The following KIF26B variants were observed in gnomAD, a reference collection of about 807,000 sequenced individuals.
KIF26B encodes the protein kinesin family member 26B.
A neutral mutation model predicts 151.2 loss-of-function variants in KIF26B; 63 were observed. The ratio of observed to expected loss-of-function variants is 0.42; its 90% CI spans 0.34 to 0.51. The LOEUF (loss-of-function observed/expected upper bound fraction) is 0.51, where lower values mean the gene tolerates loss of function less well. Among genes scored for constraint, KIF26B ranks in the 20% least tolerant of loss-of-function variants. The probability of loss-of-function intolerance (pLI) is 0.07; values close to 1 mark genes in which losing one functional copy is unlikely to be tolerated. For synonymous variants in KIF26B, 1,357 were observed against 1,262.1 expected, an observed-to-expected ratio of 1.08 and a Z score of -1.59; for missense variants, 2,813 against 2,913.6, an observed-to-expected ratio of 0.97 and a Z score of 0.79.
intron 2 of KIF26B, among the ~76,000 whole-genome samples, chr1:245,276,166 A>T (rs535245391): frequency 6.6e-6 from 1 of 152,094 alleles, no homozygotes; most frequent in East Asian, 2.0e-4. Flanking sequence ...ACATGGGAAA[A>T]CCTCGACTCT....
At chr1:245,417,171 T>G (rs1773787) in intron 3 of KIF26B, among the ~76,000 whole-genome samples, 90,702 of 149,848 alleles carry the variant, frequency 0.61, 27,692 homozygotes, top group Middle Eastern at 0.68. Context: ...ATAATATTTG[T>G]TTTTTTTTAG....
chr1:245,257,376 A>T (rs148150039), intron 2 of KIF26B, among the ~76,000 whole-genome samples: 47 of 152,330 alleles, frequency 3.1e-4, no homozygotes, highest in African/African-American at 1.1e-3. Flanking sequence ...TATTTGGCTC[A>T]GAATAAGTCT....
chr1:245,520,699 T>C (rs1661082074), intron 4 of KIF26B, among the ~76,000 whole-genome samples: 1 of 152,046 alleles, frequency 6.6e-6, no homozygotes, highest in Non-Finnish European at 1.5e-5. Flanking sequence ...CTGCATAGCA[T>C]GCACCATTCC....
chr1:245,227,604 A>G lies in KIF26B; in HGVS notation c.465+70921A>G, dbSNP rs1669901566. ...AAAACTTGTAATGATAGGAGAAGGGAAGAACACAGTTACAGTATTAGACTC... is the reference window on the plus strand; with the variant it reads ...AAAACTTGTAATGATAGGAGAAGGGGAGAACACAGTTACAGTATTAGACTC... On this transcript the variant is annotated intron_variant, in intron 2 of 14. Coordinates refer to ENST00000407071, the MANE Select transcript of KIF26B (RefSeq NM_018012.4). This position sits in a 1 kb window ranked among gnomAD's most constrained non-coding sequence, Gnocchi z 4.1. Among the ~76,000 whole-genome samples the G allele has an allele frequency of 6.6e-6, 1 of 152,234 alleles. No homozygotes were observed. The highest frequency in any genetic ancestry group is 2.1e-4 in the South Asian group (1 of 4,828).
At chr1:245,598,816 G>T (rs2043361067) in intron 5 of KIF26B, among the ~76,000 whole-genome samples, 1 of 152,172 alleles carries the variant, frequency 6.6e-6, no homozygotes, top group Admixed American at 6.5e-5. Flanking sequence ...AACAAACAGG[G>T]CAGAGCGAGG....
rs959352361 is a variant in KIF26B, at chr1:245,156,230, C to CGCTG, written c.64-51_64-48dup. Reference sequence around the variant, plus strand: ...GCGCACGTATGACCCAGCTCCTGGGCGCTGCAGCCCGCCGCCTTGCAGCCC... The same window carrying CGCTG: ...GCGCACGTATGACCCAGCTCCTGGGCGCTGGCTGCAGCCCGCCGCCTTGCAGCCC... On this transcript the variant is annotated intron_variant, in intron 1 of 14. Transcript: ENST00000407071. The CGCTG allele has an allele frequency of 3.5e-4, 540 of 1,524,586 alleles. 2 individuals carry two copies. The highest frequency in any genetic ancestry group is 3.0e-4 in the Non-Finnish European group (345 of 1,137,654). 94.4% of individuals were successfully genotyped at this position (1,524,586 alleles called of 1,614,324 possible).
intron 5 of KIF26B, among the ~76,000 whole-genome samples, chr1:245,593,318 C>T (rs1214893821): frequency 2.0e-5 from 3 of 152,140 alleles, no homozygotes; most frequent in Non-Finnish European, 4.4e-5. Context: ...CTATCCCTCC[C>T]CTAGCTCCCC....
intron 2 of KIF26B, among the ~76,000 whole-genome samples, chr1:245,268,121 A>G (rs977223605): frequency 6.6e-6 from 1 of 152,018 alleles, no homozygotes; most frequent in African/African-American, 2.4e-5. Context: ...GCAGTGAGCC[A>G]TGATTGCACC....
chr1:245,351,483 C>G (rs1489335485), intron 2 of KIF26B, among the ~76,000 whole-genome samples: 1 of 152,138 alleles, frequency 6.6e-6, no homozygotes, highest in African/African-American at 2.4e-5. Flanking sequence ...CTCAGCTATG[C>G]CTTTTCACGT....
At chr1:245,612,099 T>TGA (rs1256677244) in intron 9 of KIF26B, 123 bp downstream of exon 9, 496 of 589,226 alleles carry the variant, frequency 8.4e-4, no homozygotes, top group Admixed American at 1.1e-3. Flanking sequence ...TGTGTGTGTG[T>TGA]GTGTGTGAGA....
chr1:245,527,822 C>T (rs934575228), intron 4 of KIF26B, among the ~76,000 whole-genome samples: 2 of 151,702 alleles, frequency 1.3e-5, no homozygotes, highest in Non-Finnish European at 2.9e-5. Context: ...CGTGAGCCAC[C>T]GCGCCCGGCC....
chr1:245,252,988 G>T (rs1044806229), intron 2 of KIF26B, among the ~76,000 whole-genome samples: 2 of 151,264 alleles, frequency 1.3e-5, no homozygotes, highest in African/African-American at 4.9e-5. Flanking sequence ...TACATCCATT[G>T]AGGTGATAAT....
chr1:245,159,706 C>A (rs1465252553), intron 2 of KIF26B, among the ~76,000 whole-genome samples: 1 of 152,142 alleles, frequency 6.6e-6, no homozygotes, highest in Admixed American at 6.5e-5. Context: ...AGGTAGCAAG[C>A]CCTATTGAAT....
chr1:245,215,785 A>G (rs1669631032), intron 2 of KIF26B, among the ~76,000 whole-genome samples: 1 of 152,134 alleles, frequency 6.6e-6, no homozygotes, highest in Non-Finnish European at 1.5e-5. Flanking sequence ...GGCTTCTATG[A>G]TCAGAATATT....
chr1:245,654,196 G>T (rs2044049727), intron 10 of KIF26B, among the ~76,000 whole-genome samples: 1 of 152,044 alleles, frequency 6.6e-6, no homozygotes, highest in Non-Finnish European at 1.5e-5. Context: ...GATACCCATG[G>T]CAATGAAGAA....
At chr1:245,571,041 G>A (rs758125912) in intron 5 of KIF26B, among the ~76,000 whole-genome samples, 28 of 152,274 alleles carry the variant, frequency 1.8e-4, no homozygotes, top group Non-Finnish European at 3.5e-4. Context: ...TTCATCATGG[G>A]AAATAACAAA....
In KIF26B at chr1:245,219,779, G is replaced by C. The variant is rs1210433303; in HGVS notation, c.465+63096G>C. Among the ~76,000 whole-genome samples, 5 of 152,082 alleles carry C rather than the reference G, an allele frequency of 3.3e-5. No homozygotes were observed. In the East Asian group the frequency reaches 9.7e-4, roughly 29 times the overall value. ...AACAAAGAAAGAAACCAGAACACCAGGTGTGTCTTCCTGAGTTTTCACCCT... is the reference window on the plus strand; with the variant it reads ...AACAAAGAAAGAAACCAGAACACCACGTGTGTCTTCCTGAGTTTTCACCCT... On this transcript the variant is annotated intron_variant, in intron 2 of 14. Transcript: ENST00000407071.
Position 245,685,463 on chromosome 1 carries a change from C to T in KIF26B, c.2480C>T (p.Pro827Leu). 2 of 1,613,728 alleles carry T rather than the reference C, an allele frequency of 1.2e-6. No homozygotes were observed. The highest frequency in any genetic ancestry group is 1.7e-6 in the Non-Finnish European group (2 of 1,179,858). Residue 827 changes from proline to leucine, a missense_variant, in exon 12 of 15, where the codon CCC (proline) becomes CTC (leucine). Physicochemically the swap from Pro to Leu is moderately conservative, Grantham distance 98. Coordinates refer to ENST00000407071, the MANE Select transcript of KIF26B (RefSeq NM_018012.4). ...TGCGAAGAAGGCCGCATGCGCAGGC[C>T]CACCCAGCTGAGACCCTTCCACACC... ...SSCEEGRMRR[P>L]TQLRPFHTRA... is the part of the protein sequence containing the mutation.
chr1:245,644,815 G>T (rs191765025), intron 9 of KIF26B, among the ~76,000 whole-genome samples: 20 of 152,298 alleles, frequency 1.3e-4, no homozygotes, highest in African/African-American at 4.6e-4. Flanking sequence ...TGAATGTTGT[G>T]TTAGTCCCTT....
Sources: gnomAD v4.1 joint callset for allele counts (sites outside exome capture counted in the v4.1 genomes callset) on GRCh38, gnomAD v4.1.1 for gene constraint, Gnocchi (gnomAD v3.1) non-coding constraint, MANE v1.5 for transcripts, NCBI Gene and HGNC (gene_info 2026-07-23, HGNC 2026-07-21) for gene names.